The following ADAM22 variants were observed in gnomAD, a reference collection of about 807,000 sequenced individuals.
ADAM22 encodes the protein ADAM metallopeptidase domain 22.
ADAM22 carries 65 observed loss-of-function variants against 144.6 expected under a neutral mutation model. That is an observed-to-expected ratio of 0.45 (90% CI 0.37 to 0.55). The LOEUF is 0.55. Among genes scored for constraint, ADAM22 ranks in the 20% least tolerant of loss-of-function variants. ADAM22 has a pLI of 0.00. For missense variants in ADAM22, 974 were observed against 1,184.9 expected, an observed-to-expected ratio of 0.82 and a Z score of 2.61; for synonymous variants, 391 against 412.6, an observed-to-expected ratio of 0.95 and a Z score of 0.63.
chr7:88,090,290 G>A (rs1271474203), intron 4 of ADAM22, among the ~76,000 whole-genome samples: 1 of 152,160 alleles, frequency 6.6e-6, no homozygotes, highest in Non-Finnish European at 1.5e-5. Context: ...GGTGTTACAG[G>A]TTGTGGCATG....
intron 3 of ADAM22, among the ~76,000 whole-genome samples, chr7:88,065,639 G>A (rs2129477663): frequency 6.6e-6 from 1 of 151,938 alleles, no homozygotes; most frequent in Admixed American, 6.6e-5. Context: ...CTTGTAGATG[G>A]TATGACCACC....
chr7:87,980,287 C>CTTTTTT (rs71120015), intron 3 of ADAM22, among the ~76,000 whole-genome samples: 7 of 118,424 alleles, frequency 5.9e-5, no homozygotes, highest in African/African-American at 1.1e-4. Flanking sequence ...GCACTGTGCT[C>CTTTTTT]TTTTTTTTTT....
chr7:88,126,295 A>G (rs1206945512), intron 8 of ADAM22, among the ~76,000 whole-genome samples: 1 of 152,068 alleles, frequency 6.6e-6, no homozygotes, highest in East Asian at 1.9e-4. Flanking sequence ...AGTTTAGACA[A>G]AATTAAGAGT....
intron 4 of ADAM22, among the ~76,000 whole-genome samples, chr7:88,085,683 A>G (rs1374912925): frequency 6.6e-6 from 1 of 152,228 alleles, no homozygotes; most frequent in East Asian, 1.9e-4. Flanking sequence ...AAGGCAAACA[A>G]TTTTATATTG....
rs575657175 is a variant in ADAM22, at chr7:88,055,347, C to T, written c.324-20279C>T. Among the ~76,000 whole-genome samples the T allele has an allele frequency of 4.6e-5, 7 of 151,332 alleles. No homozygotes were observed. The East Asian group carries it at 5.8e-4, about 13-fold the overall frequency. On this transcript the variant is annotated intron_variant, in intron 3 of 31. Transcript: ENST00000413139. ...AGGAAGTAGAGATCAGCCTGGGTCA[C>T]GAAACTAGAACTCATCTCAAAAAAA...
chr7:88,151,380 G>A, intron 20 of ADAM22, 60 bp downstream of exon 20: 1 of 1,593,254 alleles, frequency 6.3e-7, no homozygotes, highest in Non-Finnish European at 8.6e-7. Flanking sequence ...ACTTCTCAAG[G>A]ACGTGTGTGC....
chr7:88,135,497 G>GT (rs1265652414), intron 13 of ADAM22, among the ~76,000 whole-genome samples: 8 of 152,056 alleles, frequency 5.3e-5, no homozygotes, highest in Admixed American at 4.6e-4. Flanking sequence ...GGCAAACTCA[G>GT]GTTTTGAACC....
At chr7:88,153,083 C>A in intron 20 of ADAM22, 138 bp from the exon 21 acceptor site, 1 of 568,542 alleles carries the variant, frequency 1.8e-6, no homozygotes, top group Non-Finnish European at 3.1e-6. Context: ...AACTGTGAAC[C>A]GTTCGTTGGT....
intron 4 of ADAM22, among the ~76,000 whole-genome samples, chr7:88,103,788 A>T (rs1823598737): frequency 6.6e-6 from 1 of 152,198 alleles, no homozygotes; most frequent in Admixed American, 6.5e-5. Context: ...ACTTTTCTTC[A>T]AAAGTCATAT....
chr7:88,011,404 G>A (rs1293029097), intron 3 of ADAM22, among the ~76,000 whole-genome samples: 6 of 152,078 alleles, frequency 3.9e-5, no homozygotes, highest in African/African-American at 7.2e-5. Flanking sequence ...GCCAGGCATG[G>A]TGGCAGGCAC....
chr7:87,954,759 C>T (rs1056107676), intron 2 of ADAM22, among the ~76,000 whole-genome samples: 3 of 152,218 alleles, frequency 2.0e-5, no homozygotes, highest in Admixed American at 2.0e-4. Flanking sequence ...GTTCCATTCT[C>T]CCCATCACTT....
chr7:88,050,333 C>T (rs1011071951), intron 3 of ADAM22, among the ~76,000 whole-genome samples: 1 of 150,976 alleles, frequency 6.6e-6, no homozygotes, highest in African/African-American at 2.4e-5. Context: ...TTTGAGGCTG[C>T]AGTGAGCCAT....
chr7:87,953,797 A>G (rs1373658834), intron 2 of ADAM22, among the ~76,000 whole-genome samples: 1 of 152,132 alleles, frequency 6.6e-6, no homozygotes, highest in Admixed American at 6.5e-5. Flanking sequence ...GTAGGTCACT[A>G]AGGACTTGCT....
intron 3 of ADAM22, among the ~76,000 whole-genome samples, chr7:88,042,864 A>T (rs949633535): frequency 2.0e-5 from 3 of 151,162 alleles, no homozygotes; most frequent in African/African-American, 7.3e-5. Context: ...TTGTTCATTC[A>T]TTGATATTTC....
At chr7:87,949,364 C>T (rs573288724) in intron 2 of ADAM22, among the ~76,000 whole-genome samples, 133 of 152,334 alleles carry the variant, frequency 8.7e-4, no homozygotes, top group African/African-American at 2.7e-3. Context: ...GGCATACTGA[C>T]GTTCTACCAC....
chr7:88,108,957 A>G (rs1825281421), intron 5 of ADAM22, among the ~76,000 whole-genome samples: 2 of 152,212 alleles, frequency 1.3e-5, no homozygotes, highest in African/African-American at 4.8e-5. Flanking sequence ...ATCCAAATTC[A>G]GACAGGAGTG....
intron 7 of ADAM22, 119 bp from the exon 8 acceptor site, chr7:88,125,470 G>A (rs568973218): frequency 1.3e-4 from 79 of 607,572 alleles, no homozygotes; most frequent in South Asian, 9.4e-4. Flanking sequence ...TTGTGTGATC[G>A]TTAAGTGCAA....
rs374876949 is a variant in ADAM22, at chr7:88,028,309, G to T, written c.324-47317G>T. Reference sequence around the variant, plus strand: ...AGTTTCCAAAATTCCTCTTGTTATTGATTTCTAGTTTGATTTCATTGTGGT... The same window carrying T: ...AGTTTCCAAAATTCCTCTTGTTATTTATTTCTAGTTTGATTTCATTGTGGT... On this transcript the variant is annotated intron_variant, in intron 3 of 31. Transcript: ENST00000413139. Among the ~76,000 whole-genome samples the T allele has an allele frequency of 1.8e-4, 28 of 152,134 alleles. No individual in the cohort carries two copies. The East Asian group carries it at 3.7e-3, about 20-fold the overall frequency.
Position 88,200,108 on chromosome 7 carries a change from A to G in ADAM22, c.*3617A>G, listed in dbSNP as rs1421996748. 1 of 152,022 alleles carries G rather than the reference A, an allele frequency of 6.6e-6. No individual in the cohort carries two copies. Among genetic ancestry groups the G allele is most frequent in the African/African-American group, 2.4e-5 (1 of 41,382 alleles). The allele number at this position is 152,022 out of a possible 1,614,324, so 9.4% of individuals were successfully genotyped here. On this transcript the variant is annotated 3_prime_UTR_variant, in exon 32 of 32. Coordinates refer to ENST00000413139, the MANE Select transcript of ADAM22 (RefSeq NM_001324418.2). ...TACCTTTTTTGGGATTTTGTTCTTT[A>G]TGTTTTACAGTTACCTTCGGACCAG...
Sources: allele counts gnomAD v4.1 joint callset (sites outside exome capture counted in the v4.1 genomes callset), GRCh38; gene constraint gnomAD v4.1.1; transcripts MANE v1.5; gene names NCBI Gene and HGNC (gene_info 2026-07-23, HGNC 2026-07-21).